The following FHIT variants were observed in gnomAD, a reference collection of about 807,000 sequenced individuals.
FHIT encodes the protein fragile histidine triad diadenosine triphosphatase, also known as bis(5'-adenosyl)-triphosphatase.
A neutral mutation model predicts 17.9 loss-of-function variants in FHIT; 19 were observed. The ratio of observed to expected loss-of-function variants is 1.06; its 90% CI spans 0.74 to 1.56. The LOEUF (loss-of-function observed/expected upper bound fraction) is 1.56. Among genes scored for constraint, FHIT ranks in the 40% most tolerant of loss-of-function variants. The pLI is 0.00. For missense variants in FHIT, 248 were observed against 189.2 expected, an observed-to-expected ratio of 1.31 and a Z score of -1.82; for synonymous variants, 81 against 69.7, an observed-to-expected ratio of 1.16 and a Z score of -0.81.
At chr3:60,018,217 G>C (rs926194963) in intron 5 of FHIT, among the ~76,000 whole-genome samples, 1 of 152,136 alleles carries the variant, frequency 6.6e-6, no homozygotes, top group Non-Finnish European at 1.5e-5. Flanking sequence ...GGAGGTGCCA[G>C]ACCCTTTTCA....
At chr3:61,203,786 G>C (rs1369620987) in intron 1 of FHIT, among the ~76,000 whole-genome samples, 2 of 152,198 alleles carry the variant, frequency 1.3e-5, no homozygotes, top group African/African-American at 4.8e-5. Flanking sequence ...AGGCATTAAA[G>C]ATATGCACTA....
intron 4 of FHIT, among the ~76,000 whole-genome samples, chr3:60,699,701 A>T (rs1716719): frequency 5.9e-3 from 16 of 2,706 alleles, no homozygotes; most frequent in East Asian, 0.028. Flanking sequence ...AAAAAAAATT[A>T]AAAAAAAAAG....
At chr3:60,272,532 C>T (rs533547977) in intron 5 of FHIT, among the ~76,000 whole-genome samples, 26 of 152,252 alleles carry the variant, frequency 1.7e-4, no homozygotes, top group African/African-American at 5.1e-4. Context: ...CCAATTCCCC[C>T]GGTGTGAAAA....
chr3:60,174,765 G>T lies in FHIT; in HGVS notation c.104-160613C>A, dbSNP rs75060765. ...ACAATTATGTCTATCTAGTTCCAAAGCATTTTCATCATCCTAAAATAAAAC... is the reference window on the plus strand; with the variant it reads ...ACAATTATGTCTATCTAGTTCCAAATCATTTTCATCATCCTAAAATAAAAC... On this transcript the variant is annotated intron_variant, in intron 5 of 9. Transcript: ENST00000492590. 7.2e-5 allele frequency among the ~76,000 whole-genome samples: 11 copies of T among 151,802 alleles called. No individual in the cohort carries two copies. In the East Asian group the frequency reaches 2.1e-3, roughly 29 times the overall value.
intron 1 of FHIT, among the ~76,000 whole-genome samples, chr3:61,202,977 G>A (rs571851425): frequency 1.9e-4 from 29 of 152,024 alleles, no homozygotes; most frequent in African/African-American, 4.3e-4. Flanking sequence ...TCAGGAGATC[G>A]AGACCATCCT....
intron 3 of FHIT, among the ~76,000 whole-genome samples, chr3:60,995,194 G>A (rs1215202714): frequency 6.6e-6 from 1 of 151,984 alleles, no homozygotes; most frequent in African/African-American, 2.4e-5. Context: ...GGTGGCAGGC[G>A]CCTGAGTCCC....
intron 2 of FHIT, among the ~76,000 whole-genome samples, chr3:61,084,140 A>C (rs964524079): frequency 1.3e-5 from 2 of 152,158 alleles, no homozygotes; most frequent in Non-Finnish European, 2.9e-5. Context: ...CTGATACCCA[A>C]ATGATTCAGC....
At position 59,789,171 on chromosome 3, in the gene FHIT, C is replaced by T. The variant is rs114137129; in HGVS notation, c.349-36850G>A. On this transcript the variant is annotated intron_variant, in intron 8 of 9. Coordinates refer to ENST00000492590, the MANE Select transcript of FHIT (RefSeq NM_002012.4). ...CTGAAGATCCATTAGGGACTTTGCA[C>T]TGGATGCCAACTTTTTAAAGCCCAG... 8.2e-3 allele frequency among the ~76,000 whole-genome samples: 1,243 copies of T among 152,280 alleles called. 6 individuals carry two copies. The highest frequency in any genetic ancestry group is 0.014 in the Admixed American group (211 of 15,294).
At chr3:60,026,991 C>G (rs111935029) in intron 5 of FHIT, among the ~76,000 whole-genome samples, 1 of 151,838 alleles carries the variant, frequency 6.6e-6, no homozygotes, top group African/African-American at 2.4e-5. Flanking sequence ...CCCAGCTACT[C>G]GGAAAGCTGA....
chr3:60,421,487 C>T (rs1245645841), intron 5 of FHIT, among the ~76,000 whole-genome samples: 4 of 151,990 alleles, frequency 2.6e-5, no homozygotes, highest in Non-Finnish European at 5.9e-5. Flanking sequence ...CCAAACACTG[C>T]TAAAAACTGA....
chr3:60,882,567 G>A (rs564789958), intron 3 of FHIT, among the ~76,000 whole-genome samples: 9 of 152,186 alleles, frequency 5.9e-5, no homozygotes, highest in South Asian at 4.1e-4. Flanking sequence ...TTCAACATAT[G>A]CTAATCAATA....
chr3:60,842,004 T>C (rs1333818143), intron 3 of FHIT, among the ~76,000 whole-genome samples: 4 of 152,150 alleles, frequency 2.6e-5, no homozygotes, highest in Non-Finnish European at 5.9e-5. Flanking sequence ...TCTGGTTTTA[T>C]GTTTGGAAGA....
intron 8 of FHIT, among the ~76,000 whole-genome samples, chr3:59,917,555 G>C (rs1046760676): frequency 3.3e-5 from 5 of 152,192 alleles, no homozygotes; most frequent in Non-Finnish European, 2.9e-5. Flanking sequence ...AGGGCCCATT[G>C]AGTTCAGGGA....
In FHIT at chr3:60,124,011, G is replaced by GAC. The variant is rs1559653760; in HGVS notation, c.104-109860_104-109859insGT. 6.6e-4 allele frequency among the ~76,000 whole-genome samples: 23 copies of GAC among 34,894 alleles called. 1 individual carries two copies. Among genetic ancestry groups the GAC allele is most frequent in the Non-Finnish European group, 1.2e-3 (22 of 18,884 alleles). 22.9% of individuals were successfully genotyped at this position (34,894 alleles called of 152,430 possible). ...ATATATATATATATATATATATATAGAGAGAGAGAGAGAGAGAGAGAGAGA... is the reference window on the plus strand; with the variant it reads ...ATATATATATATATATATATATATAGACAGAGAGAGAGAGAGAGAGAGAGAGA... On this transcript the variant is annotated intron_variant, in intron 5 of 9. Transcript: ENST00000492590.
At chr3:59,983,174 A>G (rs954987891) in intron 7 of FHIT, among the ~76,000 whole-genome samples, 11 of 152,190 alleles carry the variant, frequency 7.2e-5, no homozygotes, top group Admixed American at 2.6e-4. Flanking sequence ...CCTGAGCTCA[A>G]GCAGTCGGCC....
At chr3:61,031,470 T>TATAG (rs2033007036) in intron 3 of FHIT, among the ~76,000 whole-genome samples, 2 of 152,208 alleles carry the variant, frequency 1.3e-5, no homozygotes, top group African/African-American at 4.8e-5. Flanking sequence ...GATTACTTTA[T>TATAG]AGAGAGAAAG....
At chr3:60,129,990 C>T (rs1027166260) in intron 5 of FHIT, among the ~76,000 whole-genome samples, 4 of 152,144 alleles carry the variant, frequency 2.6e-5, no homozygotes, top group Admixed American at 6.5e-5. Flanking sequence ...CTCTTTCTCT[C>T]GCTCACCTAC....
intron 8 of FHIT, among the ~76,000 whole-genome samples, chr3:59,857,705 G>GGTTTTTTTTTTTTT: frequency 8.7e-6 from 1 of 115,436 alleles, no homozygotes; most frequent in African/African-American, 3.6e-5. Context: ...AAAGTGCTGG[G>GGTTTTTTTTTTTTT]TTTTTTTTTT....
chr3:60,523,104 G>C (rs941631632), intron 5 of FHIT, among the ~76,000 whole-genome samples: 1 of 152,088 alleles, frequency 6.6e-6, no homozygotes, highest in African/African-American at 2.4e-5. Flanking sequence ...AACAGTATGG[G>C]GGAAACCATC....
Sources: allele counts gnomAD v4.1 joint callset (sites outside exome capture counted in the v4.1 genomes callset), GRCh38; gene constraint gnomAD v4.1.1; transcripts MANE v1.5; gene names NCBI Gene and HGNC (gene_info 2026-07-23, HGNC 2026-07-21).